POU6F2: variants seen among roughly 807,000 people sequenced by gnomAD.
POU6F2 encodes POU class 6 homeobox 2.
In POU6F2, 31 loss-of-function variants were observed where a neutral mutation model predicts 71.3. The ratio of observed to expected loss-of-function variants is 0.43; its 90% CI spans 0.33 to 0.59. POU6F2 has a LOEUF of 0.59. POU6F2 is among the 20% of genes least tolerant of loss of function. The pLI is 0.04. For missense variants in POU6F2, 783 were observed against 856.8 expected (o/e 0.91, Z 1.07); for synonymous variants, 347 against 355.7 (o/e 0.98, Z 0.27).
Position 39,339,709 on chromosome 7 carries a change from G to T in POU6F2, c.666G>T (p.Gln222His). The T allele has an allele frequency of 6.2e-7, 1 of 1,605,380 alleles. No homozygotes were observed. ...AGCTCCAGCAGCAGCAGCAGCAGCAGCAGCAGCAGCCTCCCCCGTCAACCA... is the reference window on the plus strand; with the variant it reads ...AGCTCCAGCAGCAGCAGCAGCAGCATCAGCAGCAGCCTCCCCCGTCAACCA... ...QLQLQQQQQQ[Q>H]QQQPPPSTNQ... Residue 222 changes from glutamine (Q) to histidine (H), a missense_variant, in exon 5 of 10, where the codon CAG becomes CAT. Transcript: ENST00000518318.
In POU6F2 at chr7:39,392,973, T is replaced by C. The variant is rs1332139092; in HGVS notation, c.973-13627T>C. ...TTCCCTGCTCTCTTCTTCCTAAATG[T>C]AGAAAATTCCCACACAGCCTTGCTT... On this transcript the variant is annotated intron_variant, in intron 5 of 9. Transcript: ENST00000518318. Among the ~76,000 whole-genome samples the C allele has an allele frequency of 5.3e-5, 8 of 152,364 alleles. No homozygotes were observed. In the East Asian group the frequency reaches 1.2e-3, roughly 22 times the overall value.
intron 2 of POU6F2, among the ~76,000 whole-genome samples, chr7:39,125,411 C>G (rs1792121666): frequency 6.6e-6 from 1 of 152,176 alleles, no homozygotes; most frequent in Non-Finnish European, 1.5e-5. Context: ...TTATTTATAA[C>G]CTGTACTCTT....
At chr7:39,334,362 G>A (rs1316717266) in intron 4 of POU6F2, among the ~76,000 whole-genome samples, 1 of 152,100 alleles carries the variant, frequency 6.6e-6, no homozygotes, top group African/African-American at 2.4e-5. Context: ...GGGAGGATTG[G>A]AGGCATATGA....
chr7:39,260,993 TCACAG>T (rs893910814), intron 4 of POU6F2, among the ~76,000 whole-genome samples: 4 of 150,074 alleles, frequency 2.7e-5, no homozygotes, highest in African/African-American at 4.9e-5. Context: ...CACACACACA[TCACAG>T]CACAGCACAT....
At chr7:39,364,136 G>T (rs879530343) in intron 5 of POU6F2, among the ~76,000 whole-genome samples, 2 of 152,154 alleles carry the variant, frequency 1.3e-5, no homozygotes, top group African/African-American at 4.8e-5. Context: ...AGCAGTGGGG[G>T]TTTTCTCTAG....
chr7:39,163,735 T>C (rs767069469), intron 2 of POU6F2, among the ~76,000 whole-genome samples: 1 of 152,202 alleles, frequency 6.6e-6, no homozygotes, highest in Non-Finnish European at 1.5e-5. Context: ...GTAGCACTAT[T>C]TACAATAGAT....
chr7:39,239,629 T>A (rs1047892736), intron 4 of POU6F2, among the ~76,000 whole-genome samples: 1 of 152,134 alleles, frequency 6.6e-6, no homozygotes, highest in African/African-American at 2.4e-5. Context: ...TATATCTGCC[T>A]CATGGAGTTT....
At chr7:39,101,603 A>G (rs1294561690) in intron 2 of POU6F2, among the ~76,000 whole-genome samples, 1 of 152,064 alleles carries the variant, frequency 6.6e-6, no homozygotes, top group African/African-American at 2.4e-5. Flanking sequence ...TGTCGGTCAA[A>G]GGGTAGAAAG....
chr7:39,074,272 TC>T (rs1040976366), intron 1 of POU6F2, among the ~76,000 whole-genome samples: 5 of 152,028 alleles, frequency 3.3e-5, no homozygotes, highest in African/African-American at 1.2e-4. Flanking sequence ...TCACCTGAGG[TC>T]AGGAGTTCGA....
intron 5 of POU6F2, among the ~76,000 whole-genome samples, chr7:39,386,879 G>A (rs932146994): frequency 4.6e-5 from 7 of 152,328 alleles, no homozygotes; most frequent in Admixed American, 3.3e-4. Flanking sequence ...CCAGTTAGGA[G>A]ATGATGGTAA....
rs76205363 is a variant in POU6F2, at chr7:39,433,679, G to A, written c.1320+396G>A. On this transcript the variant is annotated intron_variant, in intron 7 of 9. Coordinates refer to ENST00000518318, the MANE Select transcript of POU6F2 (RefSeq NM_001370959.1). ...AAATATTAAGAGATCCCAAGGTGCT[G>A]CTGCTGAAACCACTGCCTACAAATG... Among the ~76,000 whole-genome samples, 34 of 152,336 alleles carry A rather than the reference G, an allele frequency of 2.2e-4. No individual in the cohort carries two copies. The East Asian group carries it at 6.6e-3, about 29-fold the overall frequency.
At chr7:39,250,944 T>G (rs999439927) in intron 4 of POU6F2, among the ~76,000 whole-genome samples, 1 of 152,204 alleles carries the variant, frequency 6.6e-6, no homozygotes, top group East Asian at 1.9e-4. Context: ...GCTTTGCGTC[T>G]CCATTTGGAA....
chr7:38,980,549 C>T (rs1788291682), intron 1 of POU6F2, among the ~76,000 whole-genome samples: 1 of 152,138 alleles, frequency 6.6e-6, no homozygotes, highest in Admixed American at 6.6e-5. Flanking sequence ...TATTGCTCTG[C>T]TGTCACTCAA....
intron 1 of POU6F2, among the ~76,000 whole-genome samples, chr7:39,009,652 T>C (rs936524541): frequency 6.6e-6 from 1 of 152,214 alleles, no homozygotes; most frequent in African/African-American, 2.4e-5. Context: ...TGATATTGGC[T>C]GTGGGTTTAT....
At chr7:39,219,188 G>A (rs1022035287) in intron 4 of POU6F2, among the ~76,000 whole-genome samples, 4 of 152,026 alleles carry the variant, frequency 2.6e-5, no homozygotes, top group Admixed American at 2.0e-4. Flanking sequence ...TTATTTAGCC[G>A]GAATGCAACA....
chr7:39,215,843 CA>C (rs1487445866), intron 4 of POU6F2, among the ~76,000 whole-genome samples: 3 of 152,194 alleles, frequency 2.0e-5, no homozygotes, highest in Admixed American at 2.0e-4. Flanking sequence ...GTGCTAAGCA[CA>C]AAATCTCAAA....
intron 1 of POU6F2, among the ~76,000 whole-genome samples, chr7:39,009,014 TTGGTTCCA>T: frequency 6.6e-6 from 1 of 152,190 alleles, no homozygotes; most frequent in Non-Finnish European, 1.5e-5. Flanking sequence ...AGGCTCTTTT[TTGGTTCCA>T]TATGAACTTT....
chr7:39,074,734 T>G (rs1210113401), intron 1 of POU6F2, among the ~76,000 whole-genome samples: 3 of 151,998 alleles, frequency 2.0e-5, no homozygotes, highest in Non-Finnish European at 4.4e-5. Flanking sequence ...ATGAATCCCT[T>G]TAAAATCTGA....
At chr7:39,297,051 A>G (rs1423185393) in intron 4 of POU6F2, among the ~76,000 whole-genome samples, 1 of 152,166 alleles carries the variant, frequency 6.6e-6, no homozygotes, top group Non-Finnish European at 1.5e-5. Flanking sequence ...GTTTGTGCCT[A>G]TGAGACAAAA....
Sources: allele counts gnomAD v4.1 joint callset (sites outside exome capture counted in the v4.1 genomes callset), GRCh38; gene constraint gnomAD v4.1.1; transcripts MANE v1.5; gene names NCBI Gene and HGNC (gene_info 2026-07-23, HGNC 2026-07-21).